Variants in CBLB observed in about 807,000 individuals in gnomAD.
CBLB encodes Cbl proto-oncogene B.
CBLB carries 31 observed loss-of-function variants against 104.9 expected under a neutral mutation model. The ratio of observed to expected loss-of-function variants is 0.30; its 90% confidence interval spans 0.22 to 0.40. CBLB has a LOEUF of 0.40. CBLB is among the 10% of genes least tolerant of loss of function. CBLB has a pLI of 1.00. For synonymous variants in CBLB, 440 were observed against 422.6 expected (o/e 1.04, Z -0.51); for missense variants, 1,062 against 1,214.6 (o/e 0.87, Z 1.87).
rs757203059 is a variant in CBLB at position 105,685,313 on chromosome 3, C to T, written c.2201+7G>A. ...TGTAAGTGGCAAAAATCTGCCCATACTCTTACCGAACAGGAGGTTTTACAT... is the reference window on the plus strand; with the variant it reads ...TGTAAGTGGCAAAAATCTGCCCATATTCTTACCGAACAGGAGGTTTTACAT... On this transcript the variant is annotated splice_region_variant and intron_variant, in intron 14 of 18. Transcript: ENST00000394030. The T allele has an allele frequency of 5.6e-6, 9 of 1,613,442 alleles. No individual in the cohort carries two copies. In the Admixed American group the frequency reaches 1.5e-4, roughly 27 times the overall value.
chr3:105,776,645 C>G, intron 3 of CBLB, 103 bp from the exon 4 acceptor site: 1 of 1,075,486 alleles, frequency 9.3e-7, no homozygotes. Context: ...ATGTATGTAT[C>G]AACGTATGTC....
chr3:105,740,942 T>C (rs1427099300), intron 6 of CBLB, among the ~76,000 whole-genome samples: 5 of 152,096 alleles, frequency 3.3e-5, no homozygotes, highest in Non-Finnish European at 7.4e-5. Context: ...GCTGATGGCA[T>C]GGAATAGCTA....
chr3:105,863,670 T>G (rs1470193530), intron 2 of CBLB, among the ~76,000 whole-genome samples: 1 of 151,734 alleles, frequency 6.6e-6, no homozygotes. Flanking sequence ...TTAAAAGGAG[T>G]GTAAATTATA....
chr3:105,687,253 A>T (rs1262469495), intron 13 of CBLB, among the ~76,000 whole-genome samples: 1 of 152,152 alleles, frequency 6.6e-6, no homozygotes, highest in Non-Finnish European at 1.5e-5. Flanking sequence ...AATATCAGAA[A>T]TGTTCTAAGA....
intron 4 of CBLB, among the ~76,000 whole-genome samples, chr3:105,776,045 A>G (rs1237869252): frequency 6.6e-6 from 1 of 152,136 alleles, no homozygotes; most frequent in African/African-American, 2.4e-5. Flanking sequence ...TAAAGTATCT[A>G]TGCCCTTCTA....
intron 4 of CBLB, among the ~76,000 whole-genome samples, chr3:105,759,299 C>A (rs908830367): frequency 2.0e-5 from 3 of 152,132 alleles, no homozygotes; most frequent in African/African-American, 7.2e-5. Context: ...GGTCCAAGGG[C>A]AGGCCCAGAA....
At chr3:105,775,053 T>C (rs896187211) in intron 4 of CBLB, among the ~76,000 whole-genome samples, 1 of 152,188 alleles carries the variant, frequency 6.6e-6, no homozygotes, top group African/African-American at 2.4e-5. Flanking sequence ...AGTATAGTCT[T>C]AGCTGTCTGT....
rs1007539283 is a variant in CBLB at position 105,740,421 on chromosome 3, G to C, written c.983+73C>G. 2.3e-5 allele frequency: 34 copies of C among 1,502,862 alleles called. No individual in the cohort carries two copies. In the African/African-American group the frequency reaches 4.5e-4, roughly 20 times the overall value. 93.1% of individuals were successfully genotyped at this position (1,502,862 alleles called of 1,614,324 possible). On this transcript the variant is annotated intron_variant, in intron 7 of 18. Transcript: ENST00000394030. ...AAAAGCAGCCTTGCTATCCATTTTC[G>C]CCATCACAAAGCAATCTTTATTTTT... is the stretch of plus-strand genomic sequence containing the variant.
intron 18 of CBLB, among the ~76,000 whole-genome samples, chr3:105,661,153 G>A (rs1467930404): frequency 6.6e-6 from 1 of 151,936 alleles, no homozygotes; most frequent in African/African-American, 2.4e-5. Flanking sequence ...AAAATGTCCA[G>A]TTTTAGAAAA....
intron 3 of CBLB, chr3:105,839,289 T>A (rs1308477018): frequency 6.6e-6 from 1 of 152,192 alleles, no homozygotes; most frequent in Non-Finnish European, 1.5e-5. Flanking sequence ...TAGTGGCATA[T>A]CTTGTGTTAA....
At chr3:105,855,437 G>C (rs1293156041) in intron 2 of CBLB, among the ~76,000 whole-genome samples, 1 of 152,136 alleles carries the variant, frequency 6.6e-6, no homozygotes, top group Non-Finnish European at 1.5e-5. Context: ...ATTATGGAAG[G>C]TGAAGGATAT....
At chr3:105,834,724 C>G (rs1365736158) in intron 3 of CBLB, among the ~76,000 whole-genome samples, 1 of 152,044 alleles carries the variant, frequency 6.6e-6, no homozygotes, top group Non-Finnish European at 1.5e-5. Flanking sequence ...AAAATCTTCC[C>G]CACTATACAT....
intron 4 of CBLB, among the ~76,000 whole-genome samples, chr3:105,759,038 C>T (rs1381432089): frequency 6.6e-6 from 1 of 152,102 alleles, no homozygotes; most frequent in East Asian, 1.9e-4. Flanking sequence ...AGTTCTTGTC[C>T]CGTGTCCAGG....
At chr3:105,681,354 C>T (rs1167660180) in intron 16 of CBLB, 125 bp downstream of exon 16, 1 of 909,152 alleles carries the variant, frequency 1.1e-6, no homozygotes, top group Admixed American at 2.0e-5. Flanking sequence ...CCTGGAGAAC[C>T]CATTCAAATT....
chr3:105,760,642 A>G (rs2077528581), intron 4 of CBLB, among the ~76,000 whole-genome samples: 1 of 152,156 alleles, frequency 6.6e-6, no homozygotes, highest in African/African-American at 2.4e-5. Flanking sequence ...TCAATAATAA[A>G]ACAAAGTTCC....
chr3:105,777,345 T>C (rs2079601146), intron 3 of CBLB, among the ~76,000 whole-genome samples: 1 of 152,294 alleles, frequency 6.6e-6, no homozygotes, highest in East Asian at 1.9e-4. Flanking sequence ...CTATAAGAAA[T>C]GGAGAGTCAG....
intron 3 of CBLB, among the ~76,000 whole-genome samples, chr3:105,837,844 C>G (rs1416010215): frequency 2.0e-5 from 3 of 152,124 alleles, no homozygotes; most frequent in African/African-American, 7.2e-5. Context: ...CCTACAAATT[C>G]TAAAAACAAG....
chr3:105,693,847 C>A (rs1269666829), intron 12 of CBLB, among the ~76,000 whole-genome samples: 1 of 151,852 alleles, frequency 6.6e-6, no homozygotes, highest in African/African-American at 2.4e-5. Context: ...TTTATATACA[C>A]CAGATACAGA....
intron 4 of CBLB, among the ~76,000 whole-genome samples, chr3:105,753,368 G>GC (rs1326446151): frequency 8.1e-6 from 1 of 123,706 alleles, no homozygotes; most frequent in African/African-American, 2.9e-5. Flanking sequence ...AAATGCTGCT[G>GC]TTTTTTTTAA....
Sources: gnomAD v4.1 joint callset for allele counts (sites outside exome capture counted in the v4.1 genomes callset) on GRCh38, gnomAD v4.1.1 for gene constraint, MANE v1.5 for transcripts, NCBI Gene and HGNC (gene_info 2026-07-23, HGNC 2026-07-21) for gene names.